Variants in RNF32 observed in about 807,000 individuals in gnomAD.
The protein encoded by RNF32 is ring finger protein 32.
Under a neutral mutation model 41.0 loss-of-function variants are expected in RNF32, and 36 were observed. The ratio of observed to expected loss-of-function variants is 0.88; its 90% CI spans 0.67 to 1.16. RNF32 has a LOEUF of 1.16. Ranked by LOEUF, RNF32 falls within the 50% of genes most tolerant of loss-of-function variation. The probability of loss-of-function intolerance (pLI) is 0.00; values close to 1 mark genes in which losing one functional copy is unlikely to be tolerated. For missense variants in RNF32, 413 were observed against 436.7 expected (o/e 0.95, Z 0.48); for synonymous variants, 154 against 160.9 (o/e 0.96, Z 0.32).
intron 7 of RNF32, among the ~76,000 whole-genome samples, chr7:156,662,412 G>T (rs1193254760): frequency 1.3e-5 from 2 of 152,206 alleles, no homozygotes; most frequent in Non-Finnish European, 2.9e-5. Context: ...GTTAATTTAT[G>T]TGTCAACTTG....
chr7:156,666,671 T>C (rs866650452), intron 7 of RNF32, among the ~76,000 whole-genome samples: 3 of 152,286 alleles, frequency 2.0e-5, no homozygotes, highest in South Asian at 2.1e-4. Flanking sequence ...CGAACACTTA[T>C]TCATTCAGGT....
In RNF32 at chr7:156,657,543, G is replaced by A. The variant is rs750559299; in HGVS notation, c.420G>A (p.Val140=). 13 of 1,614,020 alleles carry A rather than the reference G, an allele frequency of 8.1e-6. No individual in the cohort carries two copies. The highest frequency in any genetic ancestry group is 9.3e-6 in the Non-Finnish European group (11 of 1,180,014). The part of the protein sequence containing the change: ...CKEEFELRPQ[V]LLSCSHVFHK... ...TCGTTCTGTTTCCTCATGAACAGGT[G>A]CTGCTTTCATGCTCCCATGTGTTCC... Residue 140 remains valine (V), a splice_region_variant and synonymous_variant, in exon 5 of 9, where the codon GTG becomes GTA. Transcript: ENST00000317955.
intron 7 of RNF32, chr7:156,659,132 T>G: frequency 7.4e-7 from 1 of 1,343,148 alleles, no homozygotes; most frequent in East Asian, 3.0e-5. Flanking sequence ...TGTCCCCATA[T>G]GAAAAGGACA....
At chr7:156,675,970 G>C in intron 8 of RNF32, 107 bp downstream of exon 8, 2 of 1,183,210 alleles carry the variant, frequency 1.7e-6, no homozygotes, top group Non-Finnish European at 2.4e-6. Context: ...GGGAGCCTAG[G>C]AGTGTCAGGC....
intron 4 of RNF32, 144 bp downstream of exon 4, chr7:156,654,862 A>G (rs919581006): frequency 2.8e-6 from 2 of 710,992 alleles, no homozygotes; most frequent in African/African-American, 3.6e-5. Context: ...TTTGTTTTCC[A>G]TTAATTAAAG....
Position 156,651,671 on chromosome 7 carries a change from C to T in RNF32, c.275-2905C>T, listed in dbSNP as rs114705583. On this transcript the variant is annotated intron_variant, in intron 3 of 8. Coordinates refer to ENST00000317955, the MANE Select transcript of RNF32 (RefSeq NM_030936.4). ...TTCAGTGTTTACTCTGTTACAATTC[C>T]GTGACTTCACTCACAGCTGAGCAAT... Among the ~76,000 whole-genome samples, 434 of 152,262 alleles carry T rather than the reference C, an allele frequency of 2.9e-3. 2 individuals are homozygous for T. Among genetic ancestry groups the T allele is most frequent in the African/African-American group, 9.1e-3 (380 of 41,550 alleles).
intron 1 of RNF32, among the ~76,000 whole-genome samples, chr7:156,641,934 G>T (rs1434244065): frequency 6.6e-6 from 1 of 152,200 alleles, no homozygotes; most frequent in Non-Finnish European, 1.5e-5. Flanking sequence ...CATCATCAAA[G>T]CCTCCAGGAC....
At position 156,670,837 on chromosome 7, in the gene RNF32, G is replaced by C. The variant is rs1563095759; in HGVS notation, c.685-4859G>C. Among the ~76,000 whole-genome samples the C allele has an allele frequency of 6.6e-6, 1 of 152,200 alleles. No individual in the cohort carries two copies. Among genetic ancestry groups the C allele is most frequent in the Non-Finnish European group, 1.5e-5 (1 of 68,032 alleles). On this transcript the variant is annotated intron_variant, in intron 7 of 8. Coordinates refer to ENST00000317955, the MANE Select transcript of RNF32 (RefSeq NM_030936.4). The surrounding 1 kb of genome is among the most constrained non-coding windows in gnomAD (Gnocchi z 4.3). ...CGTCTTCGTTAAAGGAAATTCTAAAGGATGCCTTGCATGAGGAAGGAAAAT... is the reference window on the plus strand; with the variant it reads ...CGTCTTCGTTAAAGGAAATTCTAAACGATGCCTTGCATGAGGAAGGAAAAT...
intron 3 of RNF32, among the ~76,000 whole-genome samples, chr7:156,647,323 G>A (rs1227049218): frequency 6.6e-6 from 1 of 151,996 alleles, no homozygotes; most frequent in Non-Finnish European, 1.5e-5. Context: ...TGTACCTAAC[G>A]TGCAGTCTTT....
intron 1 of RNF32, among the ~76,000 whole-genome samples, chr7:156,642,337 C>A (rs950862527): frequency 6.6e-6 from 1 of 152,196 alleles, no homozygotes; most frequent in Non-Finnish European, 1.5e-5. Flanking sequence ...CACTGAAGTA[C>A]ATATGAGCTC....
intron 7 of RNF32, among the ~76,000 whole-genome samples, chr7:156,663,462 TA>T (rs1442494125): frequency 2.6e-5 from 4 of 152,162 alleles, no homozygotes; most frequent in Non-Finnish European, 4.4e-5. Flanking sequence ...TCTGATGGAA[TA>T]AAAGGCTTGA....
chr7:156,651,243 T>A (rs1205925725), intron 3 of RNF32, among the ~76,000 whole-genome samples: 1 of 151,336 alleles, frequency 6.6e-6, no homozygotes, highest in Non-Finnish European at 1.5e-5. Flanking sequence ...ACACACAGTC[T>A]TGCTCTGATG....
At chr7:156,644,893 G>T in intron 3 of RNF32, 136 bp downstream of exon 3, 1 of 875,406 alleles carries the variant, frequency 1.1e-6, no homozygotes, top group Non-Finnish European at 1.7e-6. Context: ...TTGAAGGTAT[G>T]TATGTATTGA....
intron 5 of RNF32, 34 bp downstream of exon 5, chr7:156,657,607 C>T: frequency 1.9e-6 from 3 of 1,608,020 alleles, no homozygotes; most frequent in African/African-American, 1.3e-5. Context: ...CCAGGTGCTG[C>T]ACATGTCGCT....
chr7:156,668,208 A>T (rs532447687), intron 7 of RNF32, among the ~76,000 whole-genome samples: 1 of 152,270 alleles, frequency 6.6e-6, no homozygotes, highest in African/African-American at 2.4e-5. Context: ...ACGTGTGTGG[A>T]ATGAAAGGAG....
In RNF32 at chr7:156,676,630, ACCAGAAGAAGATTCTTGAATGT is replaced by A. The variant is rs1436120874; in HGVS notation, c.1065_1086del (p.Gln356GlufsTer8). 3.1e-6 allele frequency: 5 copies of A among 1,613,930 alleles called. No individual in the cohort carries two copies. The highest frequency in any genetic ancestry group is 4.2e-6 in the Non-Finnish European group (5 of 1,179,818). ...GCCTGTCCTCTCTGCCGCTCCTGCT[ACCAGAAGAAGATTCTTGAATGT>A]TGAATTCATAGTCAAGGAAAGTTAG... is the stretch of plus-strand genomic sequence containing the variant. On this transcript the variant is annotated frameshift_variant, in exon 9 of 9. Coordinates refer to ENST00000317955, the MANE Select transcript of RNF32 (RefSeq NM_030936.4). LOFTEE classifies it high-confidence loss of function.
At chr7:156,640,672 G>A (rs776230368), upstream of RNF32, 8 of 328,372 alleles carry the variant, frequency 2.4e-5, no homozygotes, top group South Asian at 1.8e-4. Context: ...ATGGGGCGGG[G>A]CGGGGCAGGG....
At chr7:156,640,481 C>T, upstream of RNF32, 1 of 357,582 alleles carries the variant, frequency 2.8e-6, no homozygotes, top group Non-Finnish European at 5.4e-6. Flanking sequence ...TCCCGAACAC[C>T]CCCGCCAGGC....
intron 8 of RNF32, 95 bp from the exon 9 acceptor site, chr7:156,676,324 A>C: frequency 6.2e-7 from 1 of 1,612,822 alleles, no homozygotes; most frequent in Non-Finnish European, 8.5e-7. Flanking sequence ...TCGAAGACCC[A>C]TGTCTCGGGG....
Sources: allele counts gnomAD v4.1 joint callset (sites outside exome capture counted in the v4.1 genomes callset), GRCh38; gene constraint gnomAD v4.1.1; non-coding constraint Gnocchi (gnomAD v3.1); transcripts MANE v1.5; gene names NCBI Gene and HGNC (gene_info 2026-07-23, HGNC 2026-07-21).